SPMIP4: variants seen among roughly 807,000 people sequenced by gnomAD.
SPMIP4 encodes sperm-associated microtubule inner protein 4.
chr7:25,178,509 T>C, the SPMIP4 span, among the ~76,000 whole-genome samples: 4 of 152,198 alleles, frequency 2.6e-5, no homozygotes, highest in African/African-American at 9.7e-5. Flanking sequence ...GGGAGTATTT[T>C]TGGGCAGATG....
At chr7:25,139,641 G>C in the SPMIP4 span, among the ~76,000 whole-genome samples, 1 of 152,148 alleles carries the variant, frequency 6.6e-6, no homozygotes, top group Admixed American at 6.5e-5. Context: ...TAACAAATTT[G>C]TTACAGCCTT....
At chr7:25,143,448 G>A in the SPMIP4 span, among the ~76,000 whole-genome samples, 2 of 152,152 alleles carry the variant, frequency 1.3e-5, no homozygotes, top group Non-Finnish European at 2.9e-5. Context: ...CACAGTAGTG[G>A]CTGCAAACAA....
chr7:25,172,849 G>C, the SPMIP4 span, among the ~76,000 whole-genome samples: 1 of 152,108 alleles, frequency 6.6e-6, no homozygotes, highest in Non-Finnish European at 1.5e-5. This position sits in a 1 kb window ranked among gnomAD's most constrained non-coding sequence, Gnocchi z 4.2. Context: ...GGGGCATGTA[G>C]ACAAGGGCCA....
At chr7:25,173,197 C>T in the SPMIP4 span, among the ~76,000 whole-genome samples, 1 of 152,056 alleles carries the variant, frequency 6.6e-6, no homozygotes, top group Non-Finnish European at 1.5e-5. This position sits in a 1 kb window ranked among gnomAD's most constrained non-coding sequence, Gnocchi z 4.4. Context: ...CAGTACAGTG[C>T]TTGGCTTAAC....
the SPMIP4 span, among the ~76,000 whole-genome samples, chr7:25,169,627 A>C: frequency 2.6e-5 from 4 of 151,890 alleles, no homozygotes; most frequent in African/African-American, 4.8e-5. Flanking sequence ...CTGGAGTGCA[A>C]TGGCGTGATC....
the SPMIP4 span, chr7:25,142,772 T>C: frequency 1.3e-6 from 2 of 1,580,384 alleles, no homozygotes; most frequent in Admixed American, 2.0e-5. Context: ...TTAGGAGGTT[T>C]TGGGTAGAAT....
At chr7:25,135,171 G>T in the SPMIP4 span, 1 of 415,742 alleles carries the variant, frequency 2.4e-6, no homozygotes, top group Non-Finnish European at 3.2e-6. Flanking sequence ...CTCCAGAAAT[G>T]AAGATTTGGG....
chr7:25,136,672 T>C, the SPMIP4 span: 6 of 1,614,154 alleles, frequency 3.7e-6, no homozygotes, highest in Non-Finnish European at 5.1e-6. This position sits in a 1 kb window ranked among gnomAD's most constrained non-coding sequence, Gnocchi z 5.7. Context: ...AGGAGTACAA[T>C]CTGGACAGGA....
At chr7:25,158,760 A>G in the SPMIP4 span, among the ~76,000 whole-genome samples, 2 of 151,962 alleles carry the variant, frequency 1.3e-5, no homozygotes, top group Admixed American at 6.6e-5. Context: ...TACAAAAAAA[A>G]TTAGCTAGGC....
the SPMIP4 span, among the ~76,000 whole-genome samples, chr7:25,133,257 T>C: frequency 1.4e-4 from 21 of 152,218 alleles, no homozygotes; most frequent in Non-Finnish European, 2.5e-4. Context: ...ATAGTGTATA[T>C]AATGGACAAA....
At chr7:25,140,807 G>A in the SPMIP4 span, among the ~76,000 whole-genome samples, 4 of 131,432 alleles carry the variant, frequency 3.0e-5, no homozygotes, top group South Asian at 2.5e-4. Context: ...GGCTGGTCTC[G>A]AACTCCTGAC....
At chr7:25,129,729 A>G in the SPMIP4 span, among the ~76,000 whole-genome samples, 1 of 151,998 alleles carries the variant, frequency 6.6e-6, no homozygotes, top group Non-Finnish European at 1.5e-5. Context: ...CTCCACCAAA[A>G]TGACTTTTTG....
At chr7:25,156,980 C>T in the SPMIP4 span, among the ~76,000 whole-genome samples, 1 of 152,064 alleles carries the variant, frequency 6.6e-6, no homozygotes, top group African/African-American at 2.4e-5. Flanking sequence ...AGCCACTGCG[C>T]CCGGCCACTC....
the SPMIP4 span, among the ~76,000 whole-genome samples, chr7:25,177,869 T>C: frequency 6.6e-6 from 1 of 152,326 alleles, no homozygotes; most frequent in African/African-American, 2.4e-5. Flanking sequence ...GTAAATTGCA[T>C]GTTGCAGTGG....
the SPMIP4 span, chr7:25,142,636 A>G: frequency 4.2e-5 from 68 of 1,603,312 alleles, no homozygotes; most frequent in African/African-American, 7.5e-4. Context: ...AAGTGAACTC[A>G]TACCTGTAAA....
chr7:25,130,484 T>C, the SPMIP4 span, among the ~76,000 whole-genome samples: 1 of 151,974 alleles, frequency 6.6e-6, no homozygotes, highest in Non-Finnish European at 1.5e-5. Flanking sequence ...GGCTAATTTT[T>C]TGTATTTCTA....
the SPMIP4 span, among the ~76,000 whole-genome samples, chr7:25,176,912 G>A: frequency 1.3e-5 from 2 of 152,210 alleles, no homozygotes; most frequent in African/African-American, 4.8e-5. This position sits in a 1 kb window ranked among gnomAD's most constrained non-coding sequence, Gnocchi z 4.4. Context: ...CTAAGCGCAA[G>A]AAGAAAAAGG....
At chr7:25,168,730 G>A in the SPMIP4 span, among the ~76,000 whole-genome samples, 3 of 138,760 alleles carry the variant, frequency 2.2e-5, no homozygotes, top group African/African-American at 8.0e-5. Context: ...TTTCATTTTC[G>A]TTTTTTTTTT....
chr7:25,179,248 A>C, the SPMIP4 span: 1 of 1,613,674 alleles, frequency 6.2e-7, no homozygotes, highest in Non-Finnish European at 8.5e-7. Context: ...AAGGTGTTGG[A>C]CAGTATGTCA....
Sources: gnomAD v4.1 joint callset for allele counts (sites outside exome capture counted in the v4.1 genomes callset) on GRCh38, gnomAD v4.1.1 for gene constraint, Gnocchi (gnomAD v3.1) non-coding constraint, MANE v1.5 for transcripts, NCBI Gene and HGNC (gene_info 2026-07-23, HGNC 2026-07-21) for gene names.